The following STK3 variants were observed in gnomAD, a reference collection of about 807,000 sequenced individuals.
The protein encoded by STK3 is serine/threonine-protein kinase 3.
Under a neutral mutation model 58.0 loss-of-function variants are expected in STK3, and 41 were observed. The ratio of observed to expected loss-of-function variants is 0.71; its 90% CI spans 0.55 to 0.92. The LOEUF is 0.92. Among genes scored for constraint, STK3 ranks in the 40% least tolerant of loss-of-function variants. The pLI is 0.00. For synonymous variants in STK3, 170 were observed against 191.0 expected, an observed-to-expected ratio of 0.89 and a Z score of 0.91; for missense variants, 479 against 602.7, an observed-to-expected ratio of 0.79 and a Z score of 2.15.
intron 1 of STK3, among the ~76,000 whole-genome samples, chr8:98,379,918 T>G (rs1414662103): frequency 6.6e-6 from 1 of 152,122 alleles, no homozygotes; most frequent in East Asian, 1.9e-4. Context: ...AACAGAGGAA[T>G]GGATGAAGAA....
chr8:98,605,523 G>T (rs957030172), intron 6 of STK3, among the ~76,000 whole-genome samples: 1 of 145,954 alleles, frequency 6.9e-6, no homozygotes, highest in African/African-American at 2.6e-5. Context: ...TGCAACATCC[G>T]CCTGCCCATT....
intron 8 of STK3, among the ~76,000 whole-genome samples, chr8:98,563,368 TGTTTA>T (rs1174354354): frequency 6.6e-6 from 1 of 152,188 alleles, no homozygotes; most frequent in Non-Finnish European, 1.5e-5. Context: ...TATAAATTAA[TGTTTA>T]GTTTAATACA....
chr8:98,728,894 A>C (rs1827976598), intron 4 of STK3, among the ~76,000 whole-genome samples: 1 of 152,230 alleles, frequency 6.6e-6, no homozygotes, highest in South Asian at 2.1e-4. Context: ...CAATAATGCA[A>C]ACTTGATATG....
chr8:98,505,197 G>A (rs1316837541), intron 10 of STK3, among the ~76,000 whole-genome samples: 6 of 152,054 alleles, frequency 3.9e-5, no homozygotes, highest in African/African-American at 7.2e-5. Flanking sequence ...ATTGAAGCTT[G>A]TGCATGTGTC....
chr8:98,815,543 T>G (rs939548868), intron 1 of STK3, among the ~76,000 whole-genome samples: 6 of 152,066 alleles, frequency 3.9e-5, no homozygotes, highest in African/African-American at 1.4e-4. Flanking sequence ...CAAAAACCAC[T>G]AGGGTCATGT....
At chr8:98,396,579 T>C (rs1209147634), downstream of STK3, among the ~76,000 whole-genome samples, 2 of 152,228 alleles carry the variant, frequency 1.3e-5, no homozygotes, top group Non-Finnish European at 2.9e-5. Context: ...GGAATTTTCA[T>C]GTCTGATGGC....
Position 98,693,658 on chromosome 8 carries a change from T to C in STK3, c.684+12809A>G, listed in dbSNP as rs148060875. 1.3e-4 allele frequency among the ~76,000 whole-genome samples: 20 copies of C among 152,316 alleles called. No individual in the cohort carries two copies. In the East Asian group the frequency reaches 3.9e-3, roughly 29 times the overall value. ...GCCATTCACCACTGTGTTAAATCCT[T>C]GCAAGGAATCTTCCAACAGGTGGTG... On this transcript the variant is annotated intron_variant, in intron 6 of 10. Coordinates refer to ENST00000419617, the MANE Select transcript of STK3 (RefSeq NM_006281.4).
In STK3 at chr8:98,695,095, T is replaced by C. The variant is rs566495678; in HGVS notation, c.684+11372A>G. Among the ~76,000 whole-genome samples, 42 of 152,370 alleles carry C rather than the reference T, an allele frequency of 2.8e-4. No homozygotes were observed. The East Asian group carries it at 3.3e-3, about 12-fold the overall frequency. ...GTGGTTTTGGTTTGCATTTCTCTGA[T>C]GGCCAGTGATGGTGAGCATTTTTTC... On this transcript the variant is annotated intron_variant, in intron 6 of 10. Transcript: ENST00000419617.
chr8:98,785,521 C>T (rs1488007405), intron 1 of STK3, among the ~76,000 whole-genome samples: 2 of 152,134 alleles, frequency 1.3e-5, no homozygotes, highest in African/African-American at 2.4e-5. Flanking sequence ...TGGCGGTGAG[C>T]CTGCCCAGTC....
intron 1 of STK3, among the ~76,000 whole-genome samples, chr8:98,941,802 C>G (rs1001691918): frequency 6.6e-6 from 1 of 152,262 alleles, no homozygotes; most frequent in Admixed American, 6.5e-5. Context: ...GCTGCTCGCG[C>G]GCCCCTCGTC....
At chr8:98,498,426 A>G (rs1285541182) in intron 10 of STK3, among the ~76,000 whole-genome samples, 2 of 152,174 alleles carry the variant, frequency 1.3e-5, no homozygotes, top group African/African-American at 2.4e-5. Context: ...CAATAGGAGA[A>G]TGGGTGAACA....
chr8:98,589,160 G>A (rs1814990230), intron 7 of STK3, among the ~76,000 whole-genome samples: 2 of 152,044 alleles, frequency 1.3e-5, no homozygotes. Flanking sequence ...TTCCTTTGGA[G>A]GAGGAGAGGC....
intron 6 of STK3, among the ~76,000 whole-genome samples, chr8:98,706,116 A>G (rs1168556811): frequency 2.0e-5 from 3 of 152,074 alleles, no homozygotes; most frequent in African/African-American, 7.2e-5. Flanking sequence ...GTGAGAAATG[A>G]TTACTTCCAA....
At chr8:98,504,499 A>G (rs1823890440) in intron 10 of STK3, among the ~76,000 whole-genome samples, 1 of 152,118 alleles carries the variant, frequency 6.6e-6, no homozygotes, top group Non-Finnish European at 1.5e-5. Context: ...AGTCTTTACA[A>G]TTTGGCATGT....
intron 10 of STK3, among the ~76,000 whole-genome samples, chr8:98,519,218 C>G (rs903157568): frequency 3.9e-5 from 6 of 152,066 alleles, no homozygotes; most frequent in Admixed American, 3.3e-4. Context: ...GCCAATATCT[C>G]TTTTAAAACC....
chr8:98,856,941 A>G (rs1430965314), intron 3 of STK3, among the ~76,000 whole-genome samples: 1 of 152,214 alleles, frequency 6.6e-6, no homozygotes, highest in Non-Finnish European at 1.5e-5. Flanking sequence ...CAGTAAGGGA[A>G]AGGAACCAGT....
At chr8:98,665,839 G>A (rs1171119380) in intron 6 of STK3, among the ~76,000 whole-genome samples, 1 of 152,036 alleles carries the variant, frequency 6.6e-6, no homozygotes, top group East Asian at 1.9e-4. Flanking sequence ...GAGTAGCTGG[G>A]ACTACATGTG....
intron 1 of STK3, among the ~76,000 whole-genome samples, chr8:98,919,510 A>C (rs1839474263): frequency 6.6e-6 from 1 of 152,186 alleles, no homozygotes; most frequent in South Asian, 2.1e-4. Flanking sequence ...GAGAAGGTAC[A>C]AGAAGGAATC....
chr8:98,589,653 C>G (rs984615701), intron 7 of STK3, among the ~76,000 whole-genome samples: 6 of 152,238 alleles, frequency 3.9e-5, no homozygotes, highest in African/African-American at 1.4e-4. Context: ...GCTGCTTTGT[C>G]TACTTAAGCA....
Sources: allele counts gnomAD v4.1 joint callset (sites outside exome capture counted in the v4.1 genomes callset), GRCh38; gene constraint gnomAD v4.1.1; transcripts MANE v1.5; gene names NCBI Gene and HGNC (gene_info 2026-07-23, HGNC 2026-07-21).